MAGI2: variants seen among roughly 807,000 people sequenced by gnomAD.
MAGI2 encodes membrane-associated guanylate kinase, WW and PDZ domain-containing protein 2.
MAGI2 carries 35 observed loss-of-function variants against 133.3 expected under a neutral mutation model. The observed-to-expected ratio is 0.26, with a 90% CI of 0.20 to 0.35. MAGI2 has a LOEUF of 0.35. MAGI2 is among the 10% of genes least tolerant of loss of function. MAGI2 has a pLI of 1.00. For missense variants in MAGI2, 1,636 were observed against 1,863.4 expected, an observed-to-expected ratio of 0.88 and a Z score of 2.25; for synonymous variants, 729 against 710.6, an observed-to-expected ratio of 1.03 and a Z score of -0.41.
intron 2 of MAGI2, among the ~76,000 whole-genome samples, chr7:78,695,737 T>C (rs1484968681): frequency 2.0e-5 from 3 of 152,146 alleles, no homozygotes; most frequent in Non-Finnish European, 4.4e-5. Context: ...AATTCCACCA[T>C]GCTAATAATA....
At chr7:78,945,309 A>G (rs1478535753) in intron 2 of MAGI2, among the ~76,000 whole-genome samples, 1 of 151,918 alleles carries the variant, frequency 6.6e-6, no homozygotes, top group African/African-American at 2.4e-5. Flanking sequence ...AAATCTACCC[A>G]CCTCGGCCTC....
intron 1 of MAGI2, among the ~76,000 whole-genome samples, chr7:79,379,146 G>A (rs531845114): frequency 4.3e-4 from 61 of 141,056 alleles, no homozygotes; most frequent in South Asian, 1.2e-3. Context: ...GGTGTGTGAT[G>A]TTCCCCTTCC....
chr7:78,200,179 G>C (rs1169618634), intron 11 of MAGI2, among the ~76,000 whole-genome samples: 1 of 152,204 alleles, frequency 6.6e-6, no homozygotes, highest in East Asian at 1.9e-4. Flanking sequence ...CCTGCTTAGT[G>C]AGAGTGTTCT....
chr7:78,505,792 G>A (rs1795032755), intron 4 of MAGI2, among the ~76,000 whole-genome samples: 2 of 152,144 alleles, frequency 1.3e-5, no homozygotes, highest in Admixed American at 1.3e-4. Flanking sequence ...GGGATCTTCT[G>A]TATGTATATT....
intron 2 of MAGI2, among the ~76,000 whole-genome samples, chr7:78,867,368 T>A (rs1254747746): frequency 1.3e-5 from 2 of 150,190 alleles, no homozygotes; most frequent in African/African-American, 2.4e-5. Flanking sequence ...CCATAAAAAA[T>A]GATGAGTTCA....
intron 6 of MAGI2, among the ~76,000 whole-genome samples, chr7:78,388,232 AC>A (rs1795579658): frequency 6.6e-6 from 1 of 152,086 alleles, no homozygotes; most frequent in Non-Finnish European, 1.5e-5. Context: ...AAGAGTAGGT[AC>A]TGCTATGATT....
At chr7:78,629,869 C>T (rs961760421) in intron 2 of MAGI2, among the ~76,000 whole-genome samples, 2 of 152,050 alleles carry the variant, frequency 1.3e-5, no homozygotes, top group African/African-American at 2.4e-5. Flanking sequence ...GCATTACTCT[C>T]GTATTTTTCC....
At chr7:78,224,776 C>T (rs905252021) in intron 10 of MAGI2, among the ~76,000 whole-genome samples, 1 of 151,104 alleles carries the variant, frequency 6.6e-6, no homozygotes, top group African/African-American at 2.4e-5. Flanking sequence ...CAGTTTTCCA[C>T]CTTTGTCCTA....
chr7:78,899,526 GT>G (rs1797451046), intron 2 of MAGI2, among the ~76,000 whole-genome samples: 1 of 152,262 alleles, frequency 6.6e-6, no homozygotes, highest in East Asian at 1.9e-4. Flanking sequence ...ATAAGCTTTA[GT>G]TTCCTAATCT....
intron 1 of MAGI2, among the ~76,000 whole-genome samples, chr7:79,324,641 AAAATAT>A (rs1839509963): frequency 2.5e-5 from 1 of 39,474 alleles, no homozygotes; most frequent in African/African-American, 1.2e-4. Context: ...ATATATATAT[AAAATAT>A]ATATATATTA....
chr7:78,806,605 C>G lies in MAGI2; in HGVS notation c.419-179366G>C, dbSNP rs188387693. Reference sequence around the variant, plus strand: ...GATGGGGCCATCAAGGTGACTCACACTTGTAATCCCAGCACTTTGGGAGGC... The same window carrying G: ...GATGGGGCCATCAAGGTGACTCACAGTTGTAATCCCAGCACTTTGGGAGGC... On this transcript the variant is annotated intron_variant, in intron 2 of 21. Transcript: ENST00000354212. Among the ~76,000 whole-genome samples the G allele has an allele frequency of 1.1e-4, 16 of 152,160 alleles. No individual in the cohort carries two copies. The East Asian group carries it at 3.1e-3, about 29-fold the overall frequency.
chr7:79,237,866 G>A lies in MAGI2; in HGVS notation c.301+215154C>T, dbSNP rs554899831. Among the ~76,000 whole-genome samples the A allele has an allele frequency of 5.3e-5, 8 of 152,238 alleles. No homozygotes were observed. In the South Asian group the frequency reaches 1.7e-3, roughly 32 times the overall value. On this transcript the variant is annotated intron_variant, in intron 1 of 21. Coordinates refer to ENST00000354212, the MANE Select transcript of MAGI2 (RefSeq NM_012301.4). ...TTAAGTGAAATGTCTTTGTACATAT[G>A]CCTTTGATTGAATCTCTAATTATTT... is the stretch of plus-strand genomic sequence containing the variant.
At chr7:78,544,317 A>T (rs1038829089) in intron 3 of MAGI2, among the ~76,000 whole-genome samples, 4 of 152,246 alleles carry the variant, frequency 2.6e-5, no homozygotes, top group Non-Finnish European at 4.4e-5. Context: ...TAAGGTGGAT[A>T]GTTCTAGACA....
chr7:79,416,745 G>C (rs1403219761), intron 1 of MAGI2, among the ~76,000 whole-genome samples: 1 of 15,190 alleles, frequency 6.6e-5, no homozygotes, highest in Non-Finnish European at 1.2e-4. Context: ...TTTTTTTTTT[G>C]AGGTGGAGTC....
intron 6 of MAGI2, among the ~76,000 whole-genome samples, chr7:78,406,735 A>G (rs944137862): frequency 6.6e-6 from 1 of 152,024 alleles, no homozygotes; most frequent in South Asian, 2.1e-4. Flanking sequence ...CCATTTTACC[A>G]CATGCCAAAC....
chr7:79,186,728 A>G (rs1356967181), intron 1 of MAGI2, among the ~76,000 whole-genome samples: 1 of 134,786 alleles, frequency 7.4e-6, no homozygotes, highest in Non-Finnish European at 1.5e-5. Context: ...TTTATACAAA[A>G]GTATATATAT....
chr7:79,419,210 T>A (rs1846762042), intron 1 of MAGI2, among the ~76,000 whole-genome samples: 1 of 152,026 alleles, frequency 6.6e-6, no homozygotes. Flanking sequence ...GTAAAGATTA[T>A]CCTTCATGGA....
chr7:78,467,965 T>A (rs1790812428), intron 6 of MAGI2, among the ~76,000 whole-genome samples: 2 of 152,252 alleles, frequency 1.3e-5, no homozygotes, highest in South Asian at 4.1e-4. Context: ...ATCTGGATAT[T>A]TCTGGAGAAA....
chr7:78,038,823 C>G (rs1810505535), intron 21 of MAGI2, among the ~76,000 whole-genome samples: 1 of 152,214 alleles, frequency 6.6e-6, no homozygotes, highest in Non-Finnish European at 1.5e-5. Context: ...TTTTTGTTTT[C>G]AAACCCTCAC....
Sources: allele counts gnomAD v4.1 joint callset (sites outside exome capture counted in the v4.1 genomes callset), GRCh38; gene constraint gnomAD v4.1.1; transcripts MANE v1.5; gene names NCBI Gene and HGNC (gene_info 2026-07-23, HGNC 2026-07-21).